TAMM41: variants seen among roughly 807,000 people sequenced by gnomAD.
TAMM41 encodes TAM41 mitochondrial translocator assembly and maintenance homolog.
In TAMM41, 36 loss-of-function variants were observed where a neutral mutation model predicts 44.1. The observed-to-expected ratio is 0.82, with a 90% CI of 0.63 to 1.08. The LOEUF is 1.08. Ranked by LOEUF, TAMM41 falls within the 50% of genes least tolerant of loss-of-function variation. The probability of loss-of-function intolerance (pLI) is 0.00; values close to 1 mark genes in which losing one functional copy is unlikely to be tolerated. For synonymous variants in TAMM41, 164 were observed against 153.1 expected (o/e 1.07, Z -0.53); for missense variants, 417 against 404.3 (o/e 1.03, Z -0.27).
At chr3:11,776,827 GA>G in the TAMM41 span, among the ~76,000 whole-genome samples, 1 of 152,206 alleles carries the variant, frequency 6.6e-6, no homozygotes, top group African/African-American at 2.4e-5. Context: ...CCATAAAAGA[GA>G]AAGAAATCTT....
chr3:11,773,817 C>T, the TAMM41 span, among the ~76,000 whole-genome samples: 3 of 152,052 alleles, frequency 2.0e-5, no homozygotes, highest in African/African-American at 4.8e-5. Context: ...GGGCCGGGTG[C>T]GGTGGCTCAG....
chr3:11,804,984 C>A (rs1488942874), intron 7 of TAMM41, among the ~76,000 whole-genome samples: 14 of 149,486 alleles, frequency 9.4e-5, no homozygotes, highest in African/African-American at 1.2e-4. Flanking sequence ...GCGCGCACCA[C>A]CACGCCCAGC....
rs9862839 is a variant in TAMM41, at chr3:11,821,499, A to G, written c.563-4162T>C. Among the ~76,000 whole-genome samples, 957 of 152,322 alleles carry G rather than the reference A, an allele frequency of 6.3e-3. 9 individuals are homozygous for G. Among genetic ancestry groups the G allele is most frequent in the African/African-American group, 0.022 (900 of 41,580 alleles). Reference sequence around the variant, plus strand: ...GGAGGCGGAGCTCAGGCAGTAATGCAAGTGATGGAGATTGGCTGTCAATAC... The same window carrying G: ...GGAGGCGGAGCTCAGGCAGTAATGCGAGTGATGGAGATTGGCTGTCAATAC... On this transcript the variant is annotated intron_variant, in intron 4 of 7. Transcript: ENST00000455809.
At chr3:11,777,145 T>C in the TAMM41 span, among the ~76,000 whole-genome samples, 52,316 of 152,126 alleles carry the variant, frequency 0.34, 10,973 homozygotes, top group Admixed American at 0.48. Context: ...CAGACAAAAA[T>C]GGTAACTATG....
At chr3:11,743,640 ATCT>A in the TAMM41 span, among the ~76,000 whole-genome samples, 1 of 152,092 alleles carries the variant, frequency 6.6e-6, no homozygotes, top group African/African-American at 2.4e-5. Flanking sequence ...GCCCCTAATA[ATCT>A]TCTGTAAATT....
chr3:11,800,040 TA>T (rs1224788061), intron 7 of TAMM41, among the ~76,000 whole-genome samples: 1 of 152,154 alleles, frequency 6.6e-6, no homozygotes, highest in African/African-American at 2.4e-5. Flanking sequence ...AGACAAATAC[TA>T]ATGGAATCTG....
At chr3:11,759,437 G>A in the TAMM41 span, among the ~76,000 whole-genome samples, 3 of 151,746 alleles carry the variant, frequency 2.0e-5, no homozygotes, top group Non-Finnish European at 2.9e-5. Flanking sequence ...GGCAGACATG[G>A]GCTCAAGCTC....
intron 7 of TAMM41, among the ~76,000 whole-genome samples, chr3:11,790,973 A>G (rs2077464772): frequency 6.6e-6 from 1 of 152,152 alleles, no homozygotes. Context: ...TCTCTATGTC[A>G]CTGTGAAAGG....
intron 5 of TAMM41, among the ~76,000 whole-genome samples, chr3:11,813,301 G>A (rs1442839246): frequency 2.6e-5 from 4 of 152,028 alleles, no homozygotes; most frequent in Non-Finnish European, 5.9e-5. Context: ...AGGCTGAAGC[G>A]GGCAGATTAC....
At chr3:11,788,552 G>A (rs1559260266), downstream of TAMM41, among the ~76,000 whole-genome samples, 1 of 152,300 alleles carries the variant, frequency 6.6e-6, no homozygotes, top group Admixed American at 6.5e-5. Context: ...GCCTTCCAAA[G>A]TGCTGGGATT....
At chr3:11,760,068 A>G in the TAMM41 span, among the ~76,000 whole-genome samples, 1 of 152,228 alleles carries the variant, frequency 6.6e-6, no homozygotes, top group African/African-American at 2.4e-5. Flanking sequence ...TATTTCCAAA[A>G]CACATCTATT....
Position 11,846,552 on chromosome 3 carries a change from C to G in TAMM41, c.85G>C (p.Val29Leu), listed in dbSNP as rs745515424. The G allele has an allele frequency of 6.2e-7, 1 of 1,614,228 alleles. No individual in the cohort carries two copies. The highest frequency in any genetic ancestry group is 8.5e-7 in the Non-Finnish European group (1 of 1,180,046). Reference sequence around the variant, plus strand: ...TGGCGGTACACCCCGGAGCCGTAGACGAAAGCCAGACTCAGCTCCTCGGGG... The same window carrying G: ...TGGCGGTACACCCCGGAGCCGTAGAGGAAAGCCAGACTCAGCTCCTCGGGG... Reference protein sequence around the residue: ...HFPEELSLAFVYGSGVYRQAG... With the variant: ...HFPEELSLAFLYGSGVYRQAG... The change falls in exon 1 of 8, where the codon GTC becomes CTC. Residue 29 changes from valine to leucine, a missense_variant. Transcript: ENST00000455809.
chr3:11,730,424 A>C, the TAMM41 span, among the ~76,000 whole-genome samples: 15 of 150,796 alleles, frequency 9.9e-5, no homozygotes, highest in Middle Eastern at 7.0e-3. Context: ...TCTCAAAAAA[A>C]AAAAAAAAAG....
At chr3:11,730,551 A>T in the TAMM41 span, among the ~76,000 whole-genome samples, 1 of 152,072 alleles carries the variant, frequency 6.6e-6, no homozygotes, top group Admixed American at 6.6e-5. Context: ...TGGCCAGCAT[A>T]GTGAAACCCC....
At chr3:11,796,039 G>A (rs1022887930) in intron 7 of TAMM41, among the ~76,000 whole-genome samples, 2 of 152,188 alleles carry the variant, frequency 1.3e-5, no homozygotes, top group South Asian at 2.1e-4. Flanking sequence ...GGAAAACAGT[G>A]TTTGGTTTTG....
chr3:11,735,888 T>A, the TAMM41 span, among the ~76,000 whole-genome samples: 2 of 152,022 alleles, frequency 1.3e-5, no homozygotes, highest in Non-Finnish European at 2.9e-5. Flanking sequence ...CCAGCATGTT[T>A]CCAAACCACG....
chr3:11,808,007 A>G, intron 6 of TAMM41, 112 bp from the exon 7 acceptor site: 1 of 1,437,442 alleles, frequency 7.0e-7, no homozygotes, highest in Non-Finnish European at 9.1e-7. Flanking sequence ...CAATCAAACC[A>G]CCAAATCTAT....
At chr3:11,827,344 G>A (rs904460058) in intron 4 of TAMM41, among the ~76,000 whole-genome samples, 1 of 146,986 alleles carries the variant, frequency 6.8e-6, no homozygotes, top group African/African-American at 2.5e-5. Flanking sequence ...CAGTCTCACT[G>A]TGTCATCCAG....
the TAMM41 span, among the ~76,000 whole-genome samples, chr3:11,739,814 C>G: frequency 1.3e-5 from 2 of 151,940 alleles, no homozygotes; most frequent in African/African-American, 4.8e-5. Flanking sequence ...CCCAGAGACT[C>G]AAATAAATTC....
Sources: gnomAD v4.1 joint callset for allele counts (sites outside exome capture counted in the v4.1 genomes callset) on GRCh38, gnomAD v4.1.1 for gene constraint, MANE v1.5 for transcripts, NCBI Gene and HGNC (gene_info 2026-07-23, HGNC 2026-07-21) for gene names.